ARHGAP28: variants seen among roughly 807,000 people sequenced by gnomAD.
The protein encoded by ARHGAP28 is rho GTPase-activating protein 28.
A neutral mutation model predicts 90.7 loss-of-function variants in ARHGAP28; 56 were observed. The ratio of observed to expected loss-of-function variants is 0.62; its 90% CI spans 0.50 to 0.77. The LOEUF (loss-of-function observed/expected upper bound fraction) is 0.77, where lower values mean the gene tolerates loss of function less well. ARHGAP28 is among the 30% of genes least tolerant of loss of function. The pLI, the probability that ARHGAP28 is intolerant of heterozygous loss-of-function variation, is 0.00. For missense variants in ARHGAP28, 869 were observed against 900.9 expected, an observed-to-expected ratio of 0.96 and a Z score of 0.45; for synonymous variants, 308 against 323.3, an observed-to-expected ratio of 0.95 and a Z score of 0.51.
intron 3 of ARHGAP28, among the ~76,000 whole-genome samples, chr18:6,840,155 A>C (rs745394967): frequency 5.9e-5 from 9 of 152,190 alleles, no homozygotes; most frequent in Non-Finnish European, 1.2e-4. Context: ...ATTACTGTAA[A>C]TAAAAGGAGG....
At chr18:6,908,252 C>A (rs1460450039) in intron 16 of ARHGAP28, among the ~76,000 whole-genome samples, 1 of 152,110 alleles carries the variant, frequency 6.6e-6, no homozygotes. Context: ...ATTCTCCTGC[C>A]TCGGCCTCCT....
At chr18:6,852,030 C>T (rs901423735) in intron 4 of ARHGAP28, among the ~76,000 whole-genome samples, 1 of 152,116 alleles carries the variant, frequency 6.6e-6, no homozygotes, top group African/African-American at 2.4e-5. Flanking sequence ...TTGTATGTTA[C>T]TTATACTTTA....
intron 4 of ARHGAP28, 119 bp from the exon 5 acceptor site, chr18:6,859,689 A>G: frequency 2.0e-6 from 2 of 981,392 alleles, no homozygotes; most frequent in Non-Finnish European, 3.1e-6. Context: ...GTCCATGCAC[A>G]GGCAGTCATA....
At chr18:6,759,129 C>T (rs2056137621) in intron 1 of ARHGAP28, among the ~76,000 whole-genome samples, 1 of 152,110 alleles carries the variant, frequency 6.6e-6, no homozygotes, top group Non-Finnish European at 1.5e-5. Flanking sequence ...TGATACCTTA[C>T]ATATAGTTGG....
In ARHGAP28 at chr18:6,878,298, G is replaced by A. The variant is rs1600277995; in HGVS notation, c.1290+2090G>A. The stretch of plus-strand genomic sequence containing the variant: ...CTCATAGATGGAAATTGAACAATGA[G>A]AACACATGGACACAGGAAGGGGAAC... On this transcript the variant is annotated intron_variant, in intron 10 of 17. Coordinates refer to ENST00000383472, the MANE Select transcript of ARHGAP28 (RefSeq NM_001366230.1). Among the ~76,000 whole-genome samples the A allele has an allele frequency of 2.2e-5, 3 of 136,616 alleles. No individual in the cohort carries two copies. The South Asian group carries it at 6.9e-4, about 32-fold the overall frequency. The allele number at this position is 136,616 out of a possible 152,430, so 89.6% of individuals were successfully genotyped here.
intron 1 of ARHGAP28, among the ~76,000 whole-genome samples, chr18:6,816,191 A>C (rs2143717748): frequency 6.6e-6 from 1 of 151,784 alleles, no homozygotes; most frequent in African/African-American, 2.4e-5. Flanking sequence ...GAAGGCAGAA[A>C]CCCCTTCTGT....
chr18:6,741,076 A>G (rs1277127976), intron 1 of ARHGAP28, among the ~76,000 whole-genome samples: 1 of 152,188 alleles, frequency 6.6e-6, no homozygotes, highest in Non-Finnish European at 1.5e-5. Flanking sequence ...CCTTTCAAAC[A>G]CTATTACAAC....
chr18:6,894,515 C>T (rs2057290668), intron 14 of ARHGAP28, among the ~76,000 whole-genome samples: 1 of 152,230 alleles, frequency 6.6e-6, no homozygotes, highest in African/African-American at 2.4e-5. Flanking sequence ...TGCTTCTCTG[C>T]TTCTTTTGCG....
intron 10 of ARHGAP28, among the ~76,000 whole-genome samples, chr18:6,876,424 A>C (rs760696214): frequency 5.3e-5 from 8 of 152,212 alleles, no homozygotes; most frequent in African/African-American, 1.4e-4. Flanking sequence ...AAAACCAAAA[A>C]CAACAATGAA....
intron 1 of ARHGAP28, among the ~76,000 whole-genome samples, chr18:6,752,573 CA>C (rs1213772386): frequency 6.6e-6 from 1 of 152,196 alleles, no homozygotes; most frequent in Non-Finnish European, 1.5e-5. Context: ...TGGAGAATAA[CA>C]AAGATTCCAG....
At chr18:6,796,581 A>G (rs1018722677) in intron 1 of ARHGAP28, among the ~76,000 whole-genome samples, 6 of 152,158 alleles carry the variant, frequency 3.9e-5, no homozygotes, top group Non-Finnish European at 8.8e-5. Flanking sequence ...GGTAACCAAT[A>G]AACTGCAGTC....
chr18:6,829,323 G>A (rs374184513), intron 2 of ARHGAP28, among the ~76,000 whole-genome samples: 2 of 152,146 alleles, frequency 1.3e-5, no homozygotes, highest in African/African-American at 4.8e-5. Context: ...CACAGGGCTT[G>A]TTGCTGTCTT....
At chr18:6,780,912 TTCAA>T (rs2056319565) in intron 1 of ARHGAP28, among the ~76,000 whole-genome samples, 1 of 149,332 alleles carries the variant, frequency 6.7e-6, no homozygotes, top group African/African-American at 2.5e-5. Context: ...AAAAAAAAAA[TTCAA>T]TCAGTCTTGT....
At chr18:6,841,208 C>CTCTCTCTCCTCTCCT (rs1555631529) in intron 3 of ARHGAP28, among the ~76,000 whole-genome samples, 1 of 43,136 alleles carries the variant, frequency 2.3e-5, no homozygotes, top group Non-Finnish European at 4.5e-5. Flanking sequence ...TCTCTCCTCT[C>CTCTCTCTCCTCTCCT]CTCTCTCTCT....
chr18:6,786,089 G>T (rs2056362734), intron 1 of ARHGAP28, among the ~76,000 whole-genome samples: 1 of 152,138 alleles, frequency 6.6e-6, no homozygotes, highest in Admixed American at 6.5e-5. Context: ...TGGGAGGGAG[G>T]TTTATGTCTT....
chr18:6,818,586 G>A (rs1388927113), intron 1 of ARHGAP28, among the ~76,000 whole-genome samples: 3 of 152,132 alleles, frequency 2.0e-5, no homozygotes, highest in African/African-American at 4.8e-5. Flanking sequence ...AGGGAACCCC[G>A]AGAGCTGAGA....
intron 6 of ARHGAP28, among the ~76,000 whole-genome samples, chr18:6,868,919 C>A (rs2057059381): frequency 6.6e-6 from 1 of 152,046 alleles, no homozygotes; most frequent in Non-Finnish European, 1.5e-5. Flanking sequence ...GGCAGGTACA[C>A]TTTAAATGGG....
At chr18:6,891,514 C>T (rs1185767401) in intron 14 of ARHGAP28, among the ~76,000 whole-genome samples, 1 of 152,042 alleles carries the variant, frequency 6.6e-6, no homozygotes, top group Non-Finnish European at 1.5e-5. Flanking sequence ...GAACTCCTAA[C>T]CTCAGATGAT....
chr18:6,912,079 A>G lies in ARHGAP28; in HGVS notation c.2115A>G (p.Pro705=). 6.2e-7 allele frequency: 1 copy of G among 1,605,318 alleles called. No homozygotes were observed. Among genetic ancestry groups the G allele is most frequent in the Non-Finnish European group, 8.5e-7 (1 of 1,174,586 alleles). The change falls in exon 18 of 18, where the codon CCA becomes CCG. Residue 705 remains proline (P), a synonymous_variant. Coordinates refer to ENST00000383472, the MANE Select transcript of ARHGAP28 (RefSeq NM_001366230.1). ...GGNIGEHCLD[P]DAYILDVYRI... ...TTTTAGGAGAGCATTGCTTGGATCC[A>G]GATGCTTATATATTGGATGTATATC...
Sources: allele counts gnomAD v4.1 joint callset (sites outside exome capture counted in the v4.1 genomes callset), GRCh38; gene constraint gnomAD v4.1.1; transcripts MANE v1.5; gene names NCBI Gene and HGNC (gene_info 2026-07-23, HGNC 2026-07-21).